Variants in MROH2A observed in about 807,000 individuals in gnomAD.
MROH2A encodes the protein maestro heat like repeat family member 2A, also known as maestro heat-like repeat-containing protein family member 2A.
MROH2A carries 174 observed loss-of-function variants against 200.4 expected under a neutral mutation model. That is an observed-to-expected ratio of 0.87 (90% CI 0.77 to 0.98). The LOEUF (loss-of-function observed/expected upper bound fraction) is 0.98, where lower values mean the gene tolerates loss of function less well. Ranked by LOEUF, MROH2A falls within the 50% of genes least tolerant of loss-of-function variation. MROH2A has a pLI of 0.00. For synonymous variants in MROH2A, 829 were observed against 840.4 expected (o/e 0.99, Z 0.23); for missense variants, 2,045 against 2,139.6 (o/e 0.96, Z 0.87).
chr2:233,808,714 A>G (rs530472233), intron 21 of MROH2A, among the ~76,000 whole-genome samples: 1 of 152,288 alleles, frequency 6.6e-6, no homozygotes, highest in South Asian at 2.1e-4. Context: ...CCGTGAGGGC[A>G]AAGTGGAGGC....
At chr2:233,830,760 A>T (rs1559487854) in intron 38 of MROH2A, among the ~76,000 whole-genome samples, 4 of 152,104 alleles carry the variant, frequency 2.6e-5, no homozygotes, top group Admixed American at 2.6e-4. Context: ...ACTTTGCCAC[A>T]TCCCTCTGCC....
At chr2:233,819,777 TG>T in intron 30 of MROH2A, 124 bp from the exon 31 acceptor site, 1 of 1,088,718 alleles carries the variant, frequency 9.2e-7, no homozygotes, top group Non-Finnish European at 1.3e-6. Context: ...GAGAGGGTGC[TG>T]GGCGCTTAAC....
At chr2:233,793,608 G>T (rs1701923777) in intron 6 of MROH2A, 65 bp from the exon 7 acceptor site, 4 of 1,315,790 alleles carry the variant, frequency 3.0e-6, no homozygotes, top group Middle Eastern at 2.0e-4. Flanking sequence ...AAGCTGGGCT[G>T]GGAAGGCTTG....
chr2:233,821,867 C>T (rs1056654973), intron 31 of MROH2A, among the ~76,000 whole-genome samples: 9 of 152,032 alleles, frequency 5.9e-5, no homozygotes, highest in Non-Finnish European at 1.3e-4. Flanking sequence ...GGTCATCTAG[C>T]AGTGGAGGTG....
At chr2:233,809,379 T>G (rs1357086805) in intron 22 of MROH2A, 101 bp downstream of exon 22, 1 of 1,308,484 alleles carries the variant, frequency 7.6e-7, no homozygotes. Context: ...CCAGGGGACA[T>G]CCAGGCATCT....
At chr2:233,786,299 A>G (rs1701207342) in intron 3 of MROH2A, among the ~76,000 whole-genome samples, 1 of 152,208 alleles carries the variant, frequency 6.6e-6, no homozygotes, top group Non-Finnish European at 1.5e-5. Context: ...GACTAATACA[A>G]GGTGCCAGCA....
intron 21 of MROH2A, among the ~76,000 whole-genome samples, chr2:233,808,762 T>A (rs1020666368): frequency 3.9e-5 from 6 of 152,188 alleles, no homozygotes; most frequent in African/African-American, 1.4e-4. Flanking sequence ...CATGTGTGCC[T>A]GACCCATAGC....
Position 233,828,419 on chromosome 2 carries a change from C to A in MROH2A, c.4114-211C>A. Reference sequence around the variant, plus strand: ...ATATACGTAACACTTATCTAGCATTCCCCCCATATTTCCTTATTAAATCCC... The same window carrying A: ...ATATACGTAACACTTATCTAGCATTACCCCCATATTTCCTTATTAAATCCC... On this transcript the variant is annotated intron_variant, in intron 35 of 41. Transcript: ENST00000389758. The surrounding 1 kb of genome is among the most constrained non-coding windows in gnomAD (Gnocchi z 4.6). The A allele has an allele frequency of 7.2e-6, 4 of 555,536 alleles. No homozygotes were observed. The highest frequency in any genetic ancestry group is 3.2e-5 in the Admixed American group (1 of 31,154). 34.4% of individuals were successfully genotyped at this position (555,536 alleles called of 1,614,324 possible).
intron 2 of MROH2A, 47 bp from the exon 3 acceptor site, chr2:233,779,624 G>T (rs554973627): frequency 1.8e-5 from 27 of 1,541,182 alleles, no homozygotes; most frequent in Non-Finnish European, 2.4e-5. Flanking sequence ...GGCACCTCCT[G>T]TCATGGTCAT....
Position 233,793,751 on chromosome 2 carries a change from A to T in MROH2A, c.749A>T (p.Glu250Val). 6 of 1,498,902 alleles carry T rather than the reference A, an allele frequency of 4.0e-6. No homozygotes were observed. Among genetic ancestry groups the T allele is most frequent in the South Asian group, 2.6e-5 (2 of 75,496 alleles). The allele number at this position is 1,498,902 out of a possible 1,614,324, so 92.9% of individuals were successfully genotyped here. A position where few individuals can be genotyped will look rare whatever the true frequency, so the allele number is the denominator to read the frequency against. The change falls in exon 7 of 42, where the codon GAG becomes GTG. Residue 250 changes from glutamate (E) to valine (V), a missense_variant. Around this residue, in one of 3 missense-constraint regions of MROH2A, gnomAD observed 831 missense variants for 800.0 expected, o/e 1.04. Transcript: ENST00000389758. ...AGCGTGTACCCCGTGATGACTGAGG[A>T]GGAGTTTGCCCTGAAGGTGTTCCCC... ...EESVYPVMTE[E>V]EFALKVFPMY... is the part of the protein sequence containing the mutation.
intron 35 of MROH2A, among the ~76,000 whole-genome samples, chr2:233,824,659 C>T (rs749368894): frequency 4.6e-5 from 7 of 152,262 alleles, no homozygotes; most frequent in African/African-American, 1.4e-4. Flanking sequence ...GAGCTTCAAG[C>T]TCTCCATCTG....
At position 233,802,308 on chromosome 2, in the gene MROH2A, C is replaced by CA. The variant is rs779775201; in HGVS notation, c.1702dup (p.Arg568LysfsTer67). The stretch of plus-strand genomic sequence containing the variant: ...TGGATGTCAGCGTGGCTGGCAAGAG[C>CA]AGGCAAGGTGGGCAAAGTTCCTGTC... On this transcript the variant is annotated frameshift_variant, in exon 15 of 42. Coordinates refer to ENST00000389758, the MANE Select transcript of MROH2A (RefSeq NM_001394639.1). LOFTEE classifies it high-confidence loss of function. The CA allele has an allele frequency of 9.7e-6, 15 of 1,549,498 alleles. No homozygotes were observed. The East Asian group carries it at 3.4e-4, about 35-fold the overall frequency.
chr2:233,796,782 C>T (rs1345036505), intron 11 of MROH2A, among the ~76,000 whole-genome samples: 1 of 152,194 alleles, frequency 6.6e-6, no homozygotes, highest in African/African-American at 2.4e-5. Context: ...CCCCTGTTGA[C>T]AGCATGCAGC....
Position 233,818,033 on chromosome 2 carries a change from T to C in MROH2A, c.2993T>C (p.Met998Thr). 6.4e-7 allele frequency: 1 copy of C among 1,550,982 alleles called. No homozygotes were observed. Among genetic ancestry groups the C allele is most frequent in the Non-Finnish European group, 8.7e-7 (1 of 1,147,070 alleles). The change falls in exon 28 of 42, where the codon ATG (methionine) becomes ACG (threonine). Residue 998 changes from methionine to threonine, a missense_variant. Coordinates refer to ENST00000389758, the MANE Select transcript of MROH2A (RefSeq NM_001394639.1). ...IHLKLGQFGTMVGLIAPCTCD... is the reference protein window; with the variant it reads ...IHLKLGQFGTTVGLIAPCTCD... ...CTAAAGCTGGGGCAGTTTGGCACAATGGTCGGACTCATTGCCCCGTGCACC... is the reference window on the plus strand; with the variant it reads ...CTAAAGCTGGGGCAGTTTGGCACAACGGTCGGACTCATTGCCCCGTGCACC...
At position 233,819,996 on chromosome 2, in the gene MROH2A, C is replaced by T. The variant is rs575256129; in HGVS notation, c.3452C>T (p.Ala1151Val). 3.2e-4 allele frequency: 493 copies of T among 1,546,196 alleles called. 4 individuals carry two copies. The South Asian group carries it at 5.1e-3, about 16-fold the overall frequency. ...CTCATTGACGGCATCCTGCTGCTGG[C>T]GCACCACCACCAGGAGACCATCCTC... ...RLLIDGILLL[A>V]HHHQETILTS... The change falls in exon 31 of 42, where the codon GCG (alanine) becomes GTG (valine). Residue 1151 changes from alanine to valine, a missense_variant. By Grantham distance (64) the Ala-to-Val change is moderately conservative. Around this residue, in one of 3 missense-constraint regions of MROH2A, gnomAD observed 1,201 missense variants for 1,311.3 expected, o/e 0.92. Coordinates refer to ENST00000389758, the MANE Select transcript of MROH2A (RefSeq NM_001394639.1).
At chr2:233,798,335 G>A (rs532619258) in intron 11 of MROH2A, among the ~76,000 whole-genome samples, 8 of 152,290 alleles carry the variant, frequency 5.3e-5, no homozygotes, top group African/African-American at 7.2e-5. Flanking sequence ...GAGGGGCTAC[G>A]TAATTCACTT....
At chr2:233,825,083 A>T (rs1335226797) in intron 35 of MROH2A, among the ~76,000 whole-genome samples, 1 of 152,062 alleles carries the variant, frequency 6.6e-6, no homozygotes, top group Non-Finnish European at 1.5e-5. Context: ...TTCTCTTTGT[A>T]GCAATTGTGA....
intron 35 of MROH2A, among the ~76,000 whole-genome samples, chr2:233,825,898 ACAC>A (rs1704270165): frequency 7.1e-6 from 1 of 141,250 alleles, no homozygotes; most frequent in South Asian, 2.2e-4. Flanking sequence ...AATGGTATAA[ACAC>A]CTCTTTGTGT....
chr2:233,800,126 G>A, intron 13 of MROH2A, 79 bp from the exon 14 acceptor site: 4 of 1,140,358 alleles, frequency 3.5e-6, no homozygotes, highest in Non-Finnish European at 5.0e-6. Context: ...GAGCCCCTGG[G>A]GAGTGAGGAG....
Sources: gnomAD v4.1 joint callset for allele counts (sites outside exome capture counted in the v4.1 genomes callset) on GRCh38, gnomAD v4.1.1 for gene constraint, gnomAD v4.1.1 regional missense constraint, Gnocchi (gnomAD v3.1) non-coding constraint, MANE v1.5 for transcripts, NCBI Gene and HGNC (gene_info 2026-07-23, HGNC 2026-07-21) for gene names.